SIPA1L2: variants seen among roughly 807,000 people sequenced by gnomAD.
SIPA1L2 encodes signal induced proliferation associated 1 like 2, also known as signal-induced proliferation-associated 1-like protein 2.
In SIPA1L2, 56 loss-of-function variants were observed where a neutral mutation model predicts 163.9. The observed-to-expected ratio is 0.34, with a 90% CI of 0.28 to 0.43. The LOEUF (loss-of-function observed/expected upper bound fraction) is 0.43. SIPA1L2 is among the 20% of genes least tolerant of loss of function. SIPA1L2 has a pLI of 1.00. For missense variants in SIPA1L2, 1,974 were observed against 2,193.5 expected (o/e 0.90, Z 2.00); for synonymous variants, 877 against 865.7 (o/e 1.01, Z -0.23).
intron 7 of SIPA1L2, among the ~76,000 whole-genome samples, chr1:232,476,330 A>C (rs1404042613): frequency 1.3e-5 from 2 of 152,144 alleles, no homozygotes; most frequent in African/African-American, 4.8e-5. Flanking sequence ...AGATACCTCC[A>C]CGAGGCGTCA....
At chr1:232,526,248 G>T (rs979690948) in intron 2 of SIPA1L2, among the ~76,000 whole-genome samples, 2 of 152,160 alleles carry the variant, frequency 1.3e-5, no homozygotes, top group Non-Finnish European at 2.9e-5. Flanking sequence ...TCCTACCAGG[G>T]ACCCTGGTGC....
At chr1:232,512,016 A>C (rs1284594967) in intron 3 of SIPA1L2, among the ~76,000 whole-genome samples, 1 of 152,242 alleles carries the variant, frequency 6.6e-6, no homozygotes, top group Non-Finnish European at 1.5e-5. Context: ...CAAGGAACTG[A>C]AACAAATTTA....
At chr1:232,458,111 T>C (rs1382122475) in intron 10 of SIPA1L2, among the ~76,000 whole-genome samples, 1 of 152,190 alleles carries the variant, frequency 6.6e-6, no homozygotes, top group Non-Finnish European at 1.5e-5. Flanking sequence ...GGCAAATAGC[T>C]AATTCTAATC....
At chr1:232,579,225 C>T (rs896245671) in intron 1 of SIPA1L2, among the ~76,000 whole-genome samples, 12 of 152,214 alleles carry the variant, frequency 7.9e-5, no homozygotes, top group Admixed American at 5.2e-4. Flanking sequence ...CACAAATATT[C>T]CATCAAGCTC....
Position 232,491,068 on chromosome 1 carries a change from G to C in SIPA1L2, c.1618-6C>G. On this transcript the variant is annotated splice_polypyrimidine_tract_variant and splice_region_variant and intron_variant, in intron 4 of 22. Coordinates refer to ENST00000674635, the MANE Select transcript of SIPA1L2 (RefSeq NM_020808.5). ...GCTCCTCTCAGTGTTGTAAGCTGCA[G>C]TGACAAAACATAAGACTTCGGTTAA... 6.2e-7 allele frequency: 1 copy of C among 1,610,008 alleles called. No homozygotes were observed. The highest frequency in any genetic ancestry group is 8.5e-7 in the Non-Finnish European group (1 of 1,177,996).
chr1:232,465,082 T>C lies in SIPA1L2; in HGVS notation c.2578A>G (p.Ile860Val), dbSNP rs746635029. The C allele has an allele frequency of 3.1e-6, 5 of 1,614,188 alleles. No individual in the cohort carries two copies. The highest frequency in any genetic ancestry group is 4.2e-6 in the Non-Finnish European group (5 of 1,180,036). The change falls in exon 9 of 23, where the codon ATA becomes GTA. Residue 860 changes from isoleucine (I) to valine (V), a missense_variant. Physicochemically the swap from Ile to Val is conservative, Grantham distance 29. Around this residue, in one of 3 missense-constraint regions of SIPA1L2, gnomAD observed 1,079 missense variants for 1,150.7 expected, o/e 0.94. Transcript: ENST00000674635. This position sits in a 1 kb window ranked among gnomAD's most constrained non-coding sequence, Gnocchi z 4.1. ...GCAGACTGGCCGAAGTCCCGGGCTA[T>C]CACGTGCCACATGATGGCCCCAATG... ...FSIGAIMWHV[I>V]ARDFGQSADI...
intron 11 of SIPA1L2, 43 bp downstream of exon 11, chr1:232,445,486 T>G (rs1208698313): frequency 6.2e-7 from 1 of 1,610,984 alleles, no homozygotes; most frequent in African/African-American, 1.3e-5. Context: ...CTCACCCCAG[T>G]GATTTACAAG....
chr1:232,588,491 T>A (rs1238393111), intron 1 of SIPA1L2, among the ~76,000 whole-genome samples: 1 of 152,206 alleles, frequency 6.6e-6, no homozygotes, highest in Non-Finnish European at 1.5e-5. Flanking sequence ...TGGGAGATTT[T>A]TCTAAGTGGC....
Position 232,471,430 on chromosome 1 carries a change from A to C in SIPA1L2, c.2184T>G (p.Phe728Leu). 1 of 1,614,150 alleles carries C rather than the reference A, an allele frequency of 6.2e-7. No individual in the cohort carries two copies. The highest frequency in any genetic ancestry group is 8.5e-7 in the Non-Finnish European group (1 of 1,179,976). ...PFTPKSIRSHFQHVFVIVKVH... is the reference protein window; with the variant it reads ...PFTPKSIRSHLQHVFVIVKVH... Reference sequence around the variant, plus strand: ...CTTTGACTATGACAAAGACATGCTGAAAGTGAGACCGGATGCTTTTTGGAG... The same window carrying C: ...CTTTGACTATGACAAAGACATGCTGCAAGTGAGACCGGATGCTTTTTGGAG... Residue 728 changes from phenylalanine (F) to leucine (L), a missense_variant, in exon 8 of 23, where the codon TTT (phenylalanine) becomes TTG (leucine). Coordinates refer to ENST00000674635, the MANE Select transcript of SIPA1L2 (RefSeq NM_020808.5).
intron 2 of SIPA1L2, among the ~76,000 whole-genome samples, chr1:232,556,621 C>T (rs1318813191): frequency 6.6e-6 from 1 of 151,846 alleles, no homozygotes; most frequent in Non-Finnish European, 1.5e-5. Flanking sequence ...CAAGATAAAA[C>T]CAAAAGAAAT....
chr1:232,609,403 C>G (rs1460427064), intron 1 of SIPA1L2, among the ~76,000 whole-genome samples: 1 of 152,170 alleles, frequency 6.6e-6, no homozygotes, highest in Non-Finnish European at 1.5e-5. Flanking sequence ...CCATTTCCAT[C>G]AACATACTTC....
intron 15 of SIPA1L2, among the ~76,000 whole-genome samples, chr1:232,435,060 C>T (rs1289853724): frequency 6.6e-6 from 1 of 152,170 alleles, no homozygotes; most frequent in Admixed American, 6.5e-5. Flanking sequence ...CTGCCTTCCA[C>T]TACCCGTGTG....
At chr1:232,614,016 C>T (rs1358558374) in intron 1 of SIPA1L2, among the ~76,000 whole-genome samples, 2 of 152,128 alleles carry the variant, frequency 1.3e-5, no homozygotes, top group Non-Finnish European at 1.5e-5. Flanking sequence ...TCTTTGGCAT[C>T]TCCTCCCACT....
At position 232,612,119 on chromosome 1, in the gene SIPA1L2, G is replaced by A. The variant is rs114233825; in HGVS notation, c.-319+17750C>T. ...AGCTTCCACATGGTGTCGAGCTCAC[G>A]AGTGCACAGAAGTCAAGAACTGAGG... On this transcript the variant is annotated intron_variant, in intron 1 of 22. Transcript: ENST00000674635. Among the ~76,000 whole-genome samples, 423 of 152,314 alleles carry A rather than the reference G, an allele frequency of 2.8e-3. 3 individuals carry two copies. The highest frequency in any genetic ancestry group is 9.6e-3 in the African/African-American group (398 of 41,572).
chr1:232,598,956 T>G lies in SIPA1L2; in HGVS notation c.-318-24734A>C, dbSNP rs569848958. Among the ~76,000 whole-genome samples, 96 of 114,172 alleles carry G rather than the reference T, an allele frequency of 8.4e-4. 1 individual carries two copies. The highest frequency in any genetic ancestry group is 3.3e-3 in the South Asian group (11 of 3,300). The allele number at this position is 114,172 out of a possible 152,430, so 74.9% of individuals were successfully genotyped here. A position where few individuals can be genotyped will look rare whatever the true frequency, so the allele number is the denominator to read the frequency against. On this transcript the variant is annotated intron_variant, in intron 1 of 22. Coordinates refer to ENST00000674635, the MANE Select transcript of SIPA1L2 (RefSeq NM_020808.5). The stretch of plus-strand genomic sequence containing the variant: ...CCTGTTACGTATGTGACAAACCCTC[T>G]ACCCCTCAAAAAAAAAAAAAAAAAA...
At chr1:232,461,251 G>A in intron 9 of SIPA1L2, 90 bp from the exon 10 acceptor site, 1 of 1,517,568 alleles carries the variant, frequency 6.6e-7, no homozygotes, top group Non-Finnish European at 8.9e-7. Flanking sequence ...CTCCATGCCA[G>A]CCCTCTCCCT....
chr1:232,564,137 T>G (rs1270697039), intron 2 of SIPA1L2, among the ~76,000 whole-genome samples: 5 of 76,022 alleles, frequency 6.6e-5, no homozygotes, highest in South Asian at 1.1e-3. Context: ...GAAGGTTGTT[T>G]TTTTTTTTTT....
chr1:232,539,764 G>A (rs757462362), intron 2 of SIPA1L2, among the ~76,000 whole-genome samples: 2 of 152,130 alleles, frequency 1.3e-5, no homozygotes, highest in South Asian at 2.1e-4. Flanking sequence ...TTTCTACCAC[G>A]AGTCTGACGA....
intron 5 of SIPA1L2, among the ~76,000 whole-genome samples, chr1:232,488,574 T>C (rs993596654): frequency 1.3e-5 from 2 of 152,206 alleles, no homozygotes; most frequent in Non-Finnish European, 2.9e-5. Context: ...AGTTTGAACA[T>C]CGTTAAGAAA....
Sources: allele counts gnomAD v4.1 joint callset (sites outside exome capture counted in the v4.1 genomes callset), GRCh38; gene constraint gnomAD v4.1.1; regional missense constraint gnomAD v4.1.1; non-coding constraint Gnocchi (gnomAD v3.1); transcripts MANE v1.5; gene names NCBI Gene and HGNC (gene_info 2026-07-23, HGNC 2026-07-21).